The following MYO16 variants were observed in gnomAD, a reference collection of about 807,000 sequenced individuals.
MYO16 encodes unconventional myosin-XVI.
MYO16 carries 94 observed loss-of-function variants against 205.3 expected under a neutral mutation model. The ratio of observed to expected loss-of-function variants is 0.46; its 90% CI spans 0.39 to 0.54. The LOEUF (loss-of-function observed/expected upper bound fraction) is 0.54, where lower values mean the gene tolerates loss of function less well. Ranked by LOEUF, MYO16 falls within the 20% of genes least tolerant of loss-of-function variation. The pLI is 0.00. For synonymous variants in MYO16, 988 were observed against 954.0 expected (o/e 1.04, Z -0.66); for missense variants, 2,315 against 2,387.5 (o/e 0.97, Z 0.63).
intron 14 of MYO16, 143 bp downstream of exon 14, chr13:108,888,620 G>T: frequency 4.2e-6 from 2 of 475,720 alleles, no homozygotes; most frequent in Non-Finnish European, 3.8e-6. Flanking sequence ...ATTGAGCTTG[G>T]GTTCAAATAA....
At chr13:108,613,783 G>T (rs1388074829) in intron 1 of MYO16, among the ~76,000 whole-genome samples, 1 of 151,960 alleles carries the variant, frequency 6.6e-6, no homozygotes, top group Non-Finnish European at 1.5e-5. Flanking sequence ...TAACACAAAA[G>T]CCAAATGATC....
chr13:109,022,132 CAT>C (rs200628641), intron 23 of MYO16, among the ~76,000 whole-genome samples: 1,615 of 132,670 alleles, frequency 0.012, 19 homozygotes, highest in South Asian at 0.026. Flanking sequence ...AATATATATA[CAT>C]ATATATATTT....
chr13:108,867,586 G>A lies in MYO16; in HGVS notation c.1425+1344G>A, dbSNP rs547145627. ...AAGGACTGAAATTAATCTGACATGTGGTTATTAAATGGTTTTGAGAAAAAG... is the reference window on the plus strand; with the variant it reads ...AAGGACTGAAATTAATCTGACATGTAGTTATTAAATGGTTTTGAGAAAAAG... On this transcript the variant is annotated intron_variant, in intron 12 of 34. Coordinates refer to ENST00000457511, the MANE Select transcript of MYO16 (RefSeq NM_001198950.3). Among the ~76,000 whole-genome samples the A allele has an allele frequency of 2.0e-5, 3 of 152,084 alleles. No individual in the cohort carries two copies. The South Asian group carries it at 6.2e-4, about 32-fold the overall frequency.
At chr13:109,091,352 C>T (rs1347916382) in intron 27 of MYO16, among the ~76,000 whole-genome samples, 1 of 152,220 alleles carries the variant, frequency 6.6e-6, no homozygotes. Flanking sequence ...TGTATTTCTA[C>T]AAATGTTGCT....
chr13:108,930,452 A>G (rs1160442515), intron 16 of MYO16, among the ~76,000 whole-genome samples: 1 of 152,228 alleles, frequency 6.6e-6, no homozygotes, highest in Admixed American at 6.5e-5. Context: ...GCAGTCCATT[A>G]AATACTCAAT....
intron 3 of MYO16, among the ~76,000 whole-genome samples, chr13:108,713,140 G>A (rs1434380318): frequency 2.6e-5 from 4 of 151,212 alleles, no homozygotes; most frequent in Admixed American, 2.0e-4. Flanking sequence ...CAAAGTAGGG[G>A]GTAAGTGAAT....
chr13:108,602,026 A>G (rs1004213062), intron 1 of MYO16, among the ~76,000 whole-genome samples: 13 of 149,864 alleles, frequency 8.7e-5, no homozygotes, highest in African/African-American at 2.7e-4. Flanking sequence ...TGGGGCCCTC[A>G]TGATGAGATT....
At chr13:108,609,306 C>A (rs767377937) in intron 1 of MYO16, among the ~76,000 whole-genome samples, 3 of 152,162 alleles carry the variant, frequency 2.0e-5, no homozygotes, top group Non-Finnish European at 4.4e-5. Context: ...GGTGCAAAGA[C>A]AAAGGGGGCT....
chr13:109,143,440 G>A (rs275949), intron 32 of MYO16, among the ~76,000 whole-genome samples: 53,253 of 151,966 alleles, frequency 0.35, 9,582 homozygotes, highest in East Asian at 0.47. Flanking sequence ...CACACACCGT[G>A]TTTCATTCCA....
At chr13:108,690,124 A>G (rs1055047228) in intron 2 of MYO16, among the ~76,000 whole-genome samples, 16 of 152,222 alleles carry the variant, frequency 1.1e-4, no homozygotes, top group African/African-American at 3.6e-4. Context: ...TCAGTGATTC[A>G]GAAGGTGGAT....
intron 4 of MYO16, among the ~76,000 whole-genome samples, chr13:108,773,516 C>T (rs907884375): frequency 1.3e-5 from 2 of 152,124 alleles, no homozygotes; most frequent in South Asian, 2.1e-4. Flanking sequence ...CAATCTCTGC[C>T]TTCATCCTCA....
chr13:108,507,877 C>T, the MYO16 span, among the ~76,000 whole-genome samples: 8,085 of 152,044 alleles, frequency 0.053, 274 homozygotes, highest in South Asian at 0.12. Flanking sequence ...CTTCAAATGA[C>T]TTATCCTCAA....
intron 8 of MYO16, among the ~76,000 whole-genome samples, chr13:108,821,210 G>T (rs1363458187): frequency 6.6e-6 from 1 of 152,028 alleles, no homozygotes; most frequent in Non-Finnish European, 1.5e-5. Flanking sequence ...TTACTTTTGA[G>T]ATTTGTCATT....
intron 22 of MYO16, among the ~76,000 whole-genome samples, chr13:109,016,653 T>C (rs1885830006): frequency 1.3e-5 from 2 of 152,212 alleles, no homozygotes; most frequent in South Asian, 4.1e-4. Context: ...TTGTAGTGGG[T>C]GCATATATAT....
chr13:108,667,336 T>G lies in MYO16; in HGVS notation c.292+1187T>G, dbSNP rs536812688. ...TTCTGTTTTGTTTTTTTTTTTTTTTTGTCTTAAACTGCAATGACAGTAACA... is the reference window on the plus strand; with the variant it reads ...TTCTGTTTTGTTTTTTTTTTTTTTTGGTCTTAAACTGCAATGACAGTAACA... On this transcript the variant is annotated intron_variant, in intron 2 of 34. Coordinates refer to ENST00000457511, the MANE Select transcript of MYO16 (RefSeq NM_001198950.3). 3.0e-4 allele frequency among the ~76,000 whole-genome samples: 45 copies of G among 151,040 alleles called. No homozygotes were observed. The South Asian group carries it at 9.2e-3, about 31-fold the overall frequency.
intron 1 of MYO16, among the ~76,000 whole-genome samples, chr13:108,601,154 C>T (rs1445836888): frequency 6.6e-6 from 1 of 152,026 alleles, no homozygotes; most frequent in Non-Finnish European, 1.5e-5. Context: ...TGCATCGTTT[C>T]CCTTTGCAGA....
chr13:108,943,575 C>T (rs1302402742), intron 16 of MYO16, among the ~76,000 whole-genome samples: 3 of 152,050 alleles, frequency 2.0e-5, no homozygotes, highest in Non-Finnish European at 4.4e-5. Context: ...CTCCTGCCTC[C>T]CAAGTCGCTG....
intron 10 of MYO16, 167 bp from the exon 11 acceptor site, chr13:108,855,276 G>GTTTTTTTTTTTTTTTTTTTT: frequency 3.2e-6 from 1 of 315,866 alleles, no homozygotes. Flanking sequence ...TGGCTTTAGA[G>GTTTTTTTTTTTTTTTTTTTT]TTTTTTTTTT....
At chr13:108,550,056 A>C in the MYO16 span, among the ~76,000 whole-genome samples, 374 of 152,364 alleles carry the variant, frequency 2.5e-3, 1 homozygote, top group African/African-American at 8.5e-3. Context: ...GCTGGCTGGC[A>C]GATCACACAA....
Sources: allele counts gnomAD v4.1 joint callset (sites outside exome capture counted in the v4.1 genomes callset), GRCh38; gene constraint gnomAD v4.1.1; transcripts MANE v1.5; gene names NCBI Gene and HGNC (gene_info 2026-07-23, HGNC 2026-07-21).